The following PTPRD variants were observed in gnomAD, a reference collection of about 807,000 sequenced individuals.
PTPRD encodes the protein protein tyrosine phosphatase receptor type D.
In PTPRD, 34 loss-of-function variants were observed where a neutral mutation model predicts 214.5. That is an observed-to-expected ratio of 0.16 (90% CI 0.12 to 0.21). The LOEUF (loss-of-function observed/expected upper bound fraction) is 0.21, where lower values mean the gene tolerates loss of function less well. Among genes scored for constraint, PTPRD ranks in the 10% least tolerant of loss-of-function variants. The pLI is 1.00. For synonymous variants in PTPRD, 1,128 were observed against 845.7 expected, an observed-to-expected ratio of 1.33 and a Z score of -5.79; for missense variants, 2,545 against 2,398.7, an observed-to-expected ratio of 1.06 and a Z score of -1.27.
At chr9:10,301,155 G>T (rs1021294461) in intron 3 of PTPRD, among the ~76,000 whole-genome samples, 1 of 152,166 alleles carries the variant, frequency 6.6e-6, no homozygotes, top group African/African-American at 2.4e-5. Flanking sequence ...GCAAACTCCA[G>T]CAGACCTACA....
At chr9:10,015,236 G>C (rs752485036) in intron 4 of PTPRD, among the ~76,000 whole-genome samples, 8 of 152,082 alleles carry the variant, frequency 5.3e-5, no homozygotes, top group Admixed American at 1.3e-4. Flanking sequence ...CATTGGTTTA[G>C]CTAACAATGC....
chr9:10,363,991 G>GTTTTTTTGTTTTTTTTTTTTTTT (rs1485501417), intron 2 of PTPRD, among the ~76,000 whole-genome samples: 1 of 35,132 alleles, frequency 2.8e-5, no homozygotes, highest in Admixed American at 2.9e-4. Flanking sequence ...ACATTTTCGG[G>GTTTTTTTGTTTTTTTTTTTTTTT]TTTTTTTTTT....
intron 2 of PTPRD, among the ~76,000 whole-genome samples, chr9:10,360,912 C>T (rs991542072): frequency 3.9e-5 from 6 of 152,084 alleles, no homozygotes; most frequent in Non-Finnish European, 7.4e-5. Context: ...GCCATCCTGG[C>T]TAACACGATG....
intron 44 of PTPRD, among the ~76,000 whole-genome samples, chr9:8,326,999 A>AT (rs1344227303): frequency 4.8e-5 from 7 of 146,560 alleles, no homozygotes; most frequent in Admixed American, 1.5e-4. Flanking sequence ...GGATTCATTG[A>AT]TTTTTTGAAG....
At chr9:9,845,883 C>T (rs888739819) in intron 5 of PTPRD, among the ~76,000 whole-genome samples, 2 of 152,004 alleles carry the variant, frequency 1.3e-5, no homozygotes, top group African/African-American at 4.8e-5. Flanking sequence ...TTCCCAGCTC[C>T]ATGTCCAGAG....
chr9:8,857,968 C>T (rs2097974492), intron 11 of PTPRD, among the ~76,000 whole-genome samples: 3 of 137,706 alleles, frequency 2.2e-5, no homozygotes, highest in African/African-American at 7.9e-5. Context: ...TCCTCCTCTT[C>T]CCGGGCCGTC....
chr9:10,060,897 C>CTTCCTTTCT (rs1555531626), intron 3 of PTPRD, among the ~76,000 whole-genome samples: 1 of 70,560 alleles, frequency 1.4e-5, no homozygotes. Context: ...TCCTTCCTTC[C>CTTCCTTTCT]TTCTTTCTTT....
chr9:10,013,720 A>T (rs2096646453), intron 4 of PTPRD, among the ~76,000 whole-genome samples: 2 of 151,984 alleles, frequency 1.3e-5, no homozygotes, highest in Non-Finnish European at 2.9e-5. Flanking sequence ...GTATGCTGAC[A>T]ACTTCAGAAT....
intron 12 of PTPRD, among the ~76,000 whole-genome samples, chr9:8,685,787 T>G (rs1457441205): frequency 6.6e-6 from 1 of 152,238 alleles, no homozygotes; most frequent in Non-Finnish European, 1.5e-5. Context: ...ATTTTCCGAC[T>G]GAAATCTTTC....
At chr9:8,332,217 T>A (rs1026585710) in intron 43 of PTPRD, among the ~76,000 whole-genome samples, 2 of 152,132 alleles carry the variant, frequency 1.3e-5, no homozygotes, top group African/African-American at 4.8e-5. Flanking sequence ...CTTTTGCAGT[T>A]GTCGCAATAA....
chr9:10,547,406 A>C (rs2060393483), intron 2 of PTPRD, among the ~76,000 whole-genome samples: 1 of 151,944 alleles, frequency 6.6e-6, no homozygotes, highest in African/African-American at 2.4e-5. Context: ...CAGTAGATAC[A>C]CAAAGATGTT....
At chr9:8,528,463 G>A in intron 15 of PTPRD, 128 bp downstream of exon 15, 1 of 839,042 alleles carries the variant, frequency 1.2e-6, no homozygotes, top group Non-Finnish European at 1.9e-6. Flanking sequence ...TTAAGTAACA[G>A]AGAAAGAGAA....
At chr9:9,798,774 G>A (rs889437807) in intron 5 of PTPRD, among the ~76,000 whole-genome samples, 4 of 152,160 alleles carry the variant, frequency 2.6e-5, no homozygotes, top group Non-Finnish European at 4.4e-5. Flanking sequence ...ACTGATTTAT[G>A]AAGCAGACAC....
chr9:10,179,018 A>C (rs1380878312), intron 3 of PTPRD, among the ~76,000 whole-genome samples: 2 of 151,998 alleles, frequency 1.3e-5, no homozygotes, highest in Non-Finnish European at 2.9e-5. Flanking sequence ...GTTCATGAAC[A>C]ATCAAATAAG....
intron 4 of PTPRD, among the ~76,000 whole-genome samples, chr9:9,947,585 A>AATATATATATTATATATACATT (rs2092929061): frequency 2.2e-5 from 1 of 44,984 alleles, no homozygotes; most frequent in South Asian, 5.1e-4. Context: ...TTATATATAT[A>AATATATATATTATATATACATT]TTATATATAT....
chr9:9,463,925 AC>A (rs369500524), intron 8 of PTPRD, among the ~76,000 whole-genome samples: 57 of 152,292 alleles, frequency 3.7e-4, no homozygotes, highest in African/African-American at 1.3e-3. Flanking sequence ...CCACATTTGG[AC>A]AGTGAGACAC....
rs374093027 is a variant in PTPRD, at chr9:9,934,886, G to A, written c.-368+3621C>T. ...CAAAAAGCTTATCAACCATGATCAA[G>A]AGGGCTTCATCCCTGGGATGCAAGG... On this transcript the variant is annotated intron_variant, in intron 5 of 45. Coordinates refer to ENST00000381196, the MANE Select transcript of PTPRD (RefSeq NM_002839.4). Among the ~76,000 whole-genome samples, 187 of 152,230 alleles carry A rather than the reference G, an allele frequency of 1.2e-3. 2 individuals are homozygous for A. The highest frequency in any genetic ancestry group is 2.3e-3 in the Non-Finnish European group (159 of 68,028).
chr9:9,625,138 G>A (rs2095379290), intron 7 of PTPRD, among the ~76,000 whole-genome samples: 1 of 152,158 alleles, frequency 6.6e-6, no homozygotes, highest in Non-Finnish European at 1.5e-5. Flanking sequence ...TCTTGGACCT[G>A]CCTTTATTCA....
intron 8 of PTPRD, among the ~76,000 whole-genome samples, chr9:9,471,023 A>T (rs1221447360): frequency 6.6e-6 from 1 of 152,152 alleles, no homozygotes; most frequent in Non-Finnish European, 1.5e-5. Flanking sequence ...TTTCCATGGG[A>T]AATATCAGGT....
Sources: gnomAD v4.1 joint callset for allele counts (sites outside exome capture counted in the v4.1 genomes callset) on GRCh38, gnomAD v4.1.1 for gene constraint, MANE v1.5 for transcripts, NCBI Gene and HGNC (gene_info 2026-07-23, HGNC 2026-07-21) for gene names.